RAPH1: variants seen among roughly 807,000 people sequenced by gnomAD.
RAPH1 encodes ras-associated and pleckstrin homology domains-containing protein 1.
Under a neutral mutation model 88.1 loss-of-function variants are expected in RAPH1, and 18 were observed. The ratio of observed to expected loss-of-function variants is 0.20; its 90% CI spans 0.14 to 0.30. The LOEUF (loss-of-function observed/expected upper bound fraction) is 0.30, where lower values mean the gene tolerates loss of function less well. RAPH1 is among the 10% of genes least tolerant of loss of function. The pLI, the probability that RAPH1 is intolerant of heterozygous loss-of-function variation, is 1.00. For synonymous variants in RAPH1, 587 were observed against 559.0 expected (o/e 1.05, Z -0.71); for missense variants, 1,448 against 1,543.2 (o/e 0.94, Z 1.03).
chr2:203,482,675 TGCCTGA>T (rs1687782420), intron 4 of RAPH1, among the ~76,000 whole-genome samples: 1 of 152,068 alleles, frequency 6.6e-6, no homozygotes, highest in Non-Finnish European at 1.5e-5. Flanking sequence ...TGATATTGTA[TGCCTGA>T]GGACCCAGCT....
chr2:203,510,860 A>T (rs553838937), intron 1 of RAPH1, among the ~76,000 whole-genome samples: 2 of 152,222 alleles, frequency 1.3e-5, no homozygotes, highest in South Asian at 4.1e-4. Flanking sequence ...GGAGTTCGAA[A>T]CCAGACTGGG....
intron 1 of RAPH1, among the ~76,000 whole-genome samples, chr2:203,511,849 T>G (rs1399358727): frequency 6.6e-6 from 1 of 152,118 alleles, no homozygotes; most frequent in African/African-American, 2.4e-5. Flanking sequence ...CGGTGGCTCA[T>G]GCCTGTAATC....
Position 203,439,148 on chromosome 2 carries a change from C to T in RAPH1, c.*289G>A. The T allele has an allele frequency of 3.2e-6, 1 of 315,548 alleles. No homozygotes were observed. The highest frequency in any genetic ancestry group is 5.2e-5 in the East Asian group (1 of 19,182). The allele number at this position is 315,548 out of a possible 1,614,324, so 19.5% of individuals were successfully genotyped here. On this transcript the variant is annotated 3_prime_UTR_variant, in exon 14 of 14. Transcript: ENST00000319170. ...ACACACATCCCCTTCTATGCCTCTT[C>T]CACCCAAAATACAGAACACCCATTT... is the stretch of plus-strand genomic sequence containing the variant.
chr2:203,485,478 C>T (rs1192380526), intron 4 of RAPH1, among the ~76,000 whole-genome samples: 3 of 151,506 alleles, frequency 2.0e-5, no homozygotes, highest in Admixed American at 1.3e-4. Context: ...TTTTCATAGG[C>T]TAATTTATTC....
At chr2:203,488,705 T>C (rs1424061785) in intron 4 of RAPH1, among the ~76,000 whole-genome samples, 1 of 149,936 alleles carries the variant, frequency 6.7e-6, no homozygotes, top group Non-Finnish European at 1.5e-5. Context: ...TTGTGAGAAA[T>C]TGATGTTTAA....
chr2:203,477,355 A>G (rs977867766), intron 4 of RAPH1, among the ~76,000 whole-genome samples: 1 of 152,214 alleles, frequency 6.6e-6, no homozygotes, highest in Non-Finnish European at 1.5e-5. Flanking sequence ...GATGATCCTA[A>G]CCCTTGATAA....
chr2:203,534,029 CCTAA>C (rs756058688), intron 1 of RAPH1, among the ~76,000 whole-genome samples: 2 of 152,178 alleles, frequency 1.3e-5, no homozygotes, highest in African/African-American at 2.4e-5. Context: ...TGTCACCCAG[CCTAA>C]CTGACAGAGT....
chr2:203,498,855 A>T (rs1398696751), intron 1 of RAPH1, among the ~76,000 whole-genome samples: 1 of 152,200 alleles, frequency 6.6e-6, no homozygotes, highest in East Asian at 1.9e-4. Context: ...AATGATGTTC[A>T]GATCAATGAC....
intron 4 of RAPH1, among the ~76,000 whole-genome samples, chr2:203,463,544 T>G (rs1247523950): frequency 6.6e-6 from 1 of 152,204 alleles, no homozygotes; most frequent in Non-Finnish European, 1.5e-5. Context: ...GGGAAGGCAG[T>G]GGGCTTGGTT....
Position 203,440,510 on chromosome 2 carries a change from A to G in RAPH1, c.2680T>C (p.Ser894Pro). Residue 894 changes from serine (S) to proline (P), a missense_variant, in exon 14 of 14, where the codon TCC (serine) becomes CCC (proline). Transcript: ENST00000319170. The part of the protein sequence containing the change: ...KPVPANVAPQ[S>P]PPAVKAKPKW... Reference sequence around the variant, plus strand: ...GGCTTTGCTTTTACTGCAGGAGGGGACTGTGGAGCTACATTTGCTGGGACA... The same window carrying G: ...GGCTTTGCTTTTACTGCAGGAGGGGGCTGTGGAGCTACATTTGCTGGGACA... The G allele has an allele frequency of 6.5e-6, 10 of 1,532,058 alleles. No homozygotes were observed. Among genetic ancestry groups the G allele is most frequent in the Non-Finnish European group, 8.8e-6 (10 of 1,140,844 alleles). The allele number at this position is 1,532,058 out of a possible 1,614,324, so 94.9% of individuals were successfully genotyped here. A position where few individuals can be genotyped will look rare whatever the true frequency, so the allele number is the denominator to read the frequency against.
intron 4 of RAPH1, among the ~76,000 whole-genome samples, chr2:203,480,227 G>T (rs1347042968): frequency 1.3e-5 from 2 of 152,174 alleles, no homozygotes; most frequent in African/African-American, 4.8e-5. Context: ...AGAGTCCTTG[G>T]GGTTGGGGTG....
intron 12 of RAPH1, chr2:203,446,061 T>C (rs1208163074): frequency 6.6e-6 from 1 of 152,248 alleles, no homozygotes; most frequent in Non-Finnish European, 1.5e-5. Flanking sequence ...GTCCTGCTAC[T>C]ATTAACTACG....
At chr2:203,441,584 A>C in intron 13 of RAPH1, 171 bp from the exon 14 acceptor site, 1 of 1,359,724 alleles carries the variant, frequency 7.4e-7, no homozygotes, top group Non-Finnish European at 9.4e-7. Flanking sequence ...GGAAGGCTAA[A>C]ATCTGATTGT....
At position 203,440,448 on chromosome 2, in the gene RAPH1, C is replaced by T. The variant is rs368503327; in HGVS notation, c.2742G>A (p.Pro914=). 56 of 1,543,786 alleles carry T rather than the reference C, an allele frequency of 3.6e-5. No individual in the cohort carries two copies. Among genetic ancestry groups the T allele is most frequent in the East Asian group, 3.4e-4 (15 of 44,360 alleles). ...WQPSSIPVPS[P]DFPPPPPESS... ...TTTCAGGAGGGGGAGGAGGGAAGTC[C>T]GGAGAAGGGACTGGGATGGAGCTGG... The change falls in exon 14 of 14, where the codon CCG becomes CCA. Residue 914 remains proline (P), a synonymous_variant. Transcript: ENST00000319170.
chr2:203,441,642 G>T, intron 13 of RAPH1: 1 of 1,338,110 alleles, frequency 7.5e-7, no homozygotes, highest in Non-Finnish European at 9.5e-7. Context: ...CAGTAAAATA[G>T]CTAGACCATC....
intron 1 of RAPH1, among the ~76,000 whole-genome samples, chr2:203,522,792 C>T (rs941996725): frequency 4.7e-5 from 7 of 150,254 alleles, no homozygotes; most frequent in Non-Finnish European, 1.0e-4. Flanking sequence ...ATCCCAGCTA[C>T]TCGGGAGGCT....
intron 1 of RAPH1, among the ~76,000 whole-genome samples, chr2:203,526,992 C>T (rs1291529963): frequency 1.3e-5 from 2 of 151,958 alleles, no homozygotes; most frequent in Non-Finnish European, 2.9e-5. Flanking sequence ...CCACATTGGC[C>T]AGGCTGGTCT....
chr2:203,518,473 G>A (rs1689715105), intron 1 of RAPH1, among the ~76,000 whole-genome samples: 1 of 151,022 alleles, frequency 6.6e-6, no homozygotes, highest in South Asian at 2.1e-4. Flanking sequence ...AGCCGAGATC[G>A]CACCACTGCA....
chr2:203,522,260 A>C (rs1290684077), intron 1 of RAPH1, among the ~76,000 whole-genome samples: 1 of 152,248 alleles, frequency 6.6e-6, no homozygotes, highest in Admixed American at 6.5e-5. Flanking sequence ...ATGTTATCAT[A>C]TGGAAAAATC....
Sources: allele counts gnomAD v4.1 joint callset (sites outside exome capture counted in the v4.1 genomes callset), GRCh38; gene constraint gnomAD v4.1.1; transcripts MANE v1.5; gene names NCBI Gene and HGNC (gene_info 2026-07-23, HGNC 2026-07-21).